SYNC: variants seen among roughly 807,000 people sequenced by gnomAD.
SYNC encodes syncoilin, intermediate filament protein, also known as syncoilin.
A neutral mutation model predicts 49.5 loss-of-function variants in SYNC; 38 were observed. The ratio of observed to expected loss-of-function variants is 0.77; its 90% CI spans 0.59 to 1.01. The LOEUF is 1.01. Ranked by LOEUF, SYNC falls within the 50% of genes least tolerant of loss-of-function variation. The pLI is 0.00. For missense variants in SYNC, 579 were observed against 580.6 expected (o/e 1.00, Z 0.03); for synonymous variants, 201 against 230.8 (o/e 0.87, Z 1.17).
chr1:32,686,033 C>T (rs376419168), intron 2 of SYNC: 1 of 152,142 alleles, frequency 6.6e-6, no homozygotes, highest in Non-Finnish European at 1.5e-5. Flanking sequence ...GTACCGAAGT[C>T]ACTAGTCACA....
At chr1:32,690,513 C>T (rs1009823578) in intron 2 of SYNC, among the ~76,000 whole-genome samples, 12 of 151,854 alleles carry the variant, frequency 7.9e-5, no homozygotes, top group Non-Finnish European at 1.5e-4. Context: ...GGCCTGGTGG[C>T]GGGCACCTGT....
intron 1 of SYNC, among the ~76,000 whole-genome samples, chr1:32,699,446 C>T (rs142623600): frequency 2.3e-3 from 352 of 152,080 alleles, no homozygotes; most frequent in African/African-American, 8.1e-3. Context: ...CGAGTCACTG[C>T]GCCTGGCCAA....
intron 2 of SYNC, among the ~76,000 whole-genome samples, chr1:32,687,686 AAAAT>A (rs1042593192): frequency 1.3e-5 from 2 of 151,320 alleles, no homozygotes; most frequent in Non-Finnish European, 2.9e-5. Context: ...AAAAAAGAAA[AAAAT>A]GTTTAGTCCC....
chr1:32,687,855 A>AATTATTATTATTATTATTATT (rs1649949950), intron 2 of SYNC, among the ~76,000 whole-genome samples: 1 of 135,516 alleles, frequency 7.4e-6, no homozygotes, highest in East Asian at 2.1e-4. Context: ...TATTATTATT[A>AATTATTATTATTATTATTATT]TTATTATTTT....
rs1294900277 is a variant in SYNC, at chr1:32,681,762, G to T, written c.*88C>A. 1 of 1,607,684 alleles carries T rather than the reference G, an allele frequency of 6.2e-7. No individual in the cohort carries two copies. Among genetic ancestry groups the T allele is most frequent in the East Asian group, 2.2e-5 (1 of 44,846 alleles). On this transcript the variant is annotated 3_prime_UTR_variant, in exon 5 of 5. Transcript: ENST00000409190. ...GCCAAGTTTCTGGCACTCTTGTCTG[G>T]TTGGAAGAGTACATCCAAAGGGTAC... is the stretch of plus-strand genomic sequence containing the variant.
chr1:32,702,584 G>T lies in SYNC; in HGVS notation c.53+24C>A, dbSNP rs141516125. ...AGCACCCCTTCCCCAGCGGGGCGGCGACGCGGGCCCGGCACTGTCCTACCT... is the reference window on the plus strand; with the variant it reads ...AGCACCCCTTCCCCAGCGGGGCGGCTACGCGGGCCCGGCACTGTCCTACCT... On this transcript the variant is annotated intron_variant, in intron 1 of 4. Coordinates refer to ENST00000409190, the MANE Select transcript of SYNC (RefSeq NM_030786.3). The surrounding 1 kb of genome is among the most constrained non-coding windows in gnomAD (Gnocchi z 6.2). 2.5e-6 allele frequency: 3 copies of T among 1,216,686 alleles called. No homozygotes were observed. The South Asian group carries it at 1.2e-4, about 50-fold the overall frequency. The allele number at this position is 1,216,686 out of a possible 1,614,324, so 75.4% of individuals were successfully genotyped here.
intron 2 of SYNC, among the ~76,000 whole-genome samples, chr1:32,690,063 CAA>C (rs1409227190): frequency 6.6e-6 from 1 of 151,658 alleles, no homozygotes; most frequent in Non-Finnish European, 1.5e-5. Context: ...GGTATAGCAA[CAA>C]GAGAAGCTAT....
At chr1:32,689,061 C>T (rs1466746967) in intron 2 of SYNC, among the ~76,000 whole-genome samples, 3 of 151,208 alleles carry the variant, frequency 2.0e-5, no homozygotes, top group African/African-American at 7.3e-5. Flanking sequence ...GCCTCATCCT[C>T]CCGAGAAGCT....
chr1:32,699,870 C>A (rs575802905), intron 1 of SYNC, among the ~76,000 whole-genome samples: 1 of 151,730 alleles, frequency 6.6e-6, no homozygotes, highest in African/African-American at 2.4e-5. Context: ...GTAGCTGAGA[C>A]TACAGGCGCC....
At chr1:32,686,150 A>G (rs914884122) in intron 2 of SYNC, 9 of 152,386 alleles carry the variant, frequency 5.9e-5, no homozygotes, top group African/African-American at 2.2e-4. Flanking sequence ...TGTCAAAAAT[A>G]TTTGATACTG....
In SYNC at chr1:32,686,330, TC is replaced by T. The variant is rs1210591509; in HGVS notation, c.1234-1949del. ...ACAACTCAGATCTGTGTGCCTGTGT[TC>T]CTGCCACTTTTTTCACCTAGACAGC... On this transcript the variant is annotated intron_variant, in intron 2 of 4. Transcript: ENST00000409190. 11 of 152,352 alleles carry T rather than the reference TC, an allele frequency of 7.2e-5. No homozygotes were observed. The South Asian group carries it at 1.5e-3, about 20-fold the overall frequency. 9.4% of individuals were successfully genotyped at this position (152,352 alleles called of 1,614,324 possible).
chr1:32,702,817 G>T (rs1302707931), upstream of SYNC: 1 of 514,058 alleles, frequency 1.9e-6, no homozygotes, highest in Non-Finnish European at 2.5e-6. The surrounding 1 kb of genome is among the most constrained non-coding windows in gnomAD (Gnocchi z 6.2). Context: ...GCTCCTGCCG[G>T]GGGAGGAGGG....
chr1:32,696,114 G>T, intron 1 of SYNC, 70 bp from the exon 2 acceptor site: 1 of 1,322,914 alleles, frequency 7.6e-7, no homozygotes, highest in Non-Finnish European at 1.0e-6. Flanking sequence ...GGAGCCAGCA[G>T]CCATGGGCCT....
rs1649629776 is a variant in SYNC, at chr1:32,683,993, C to T, written c.1438+17G>A. On this transcript the variant is annotated intron_variant, in intron 4 of 4. Transcript: ENST00000409190. ...CAGTAACAATGCAAACACCACTCTT[C>T]TCTTCACAAAGATCACCTTGAGACT... 4 of 1,610,830 alleles carry T rather than the reference C, an allele frequency of 2.5e-6. No individual in the cohort carries two copies. Among genetic ancestry groups the T allele is most frequent in the Admixed American group, 1.7e-5 (1 of 59,694 alleles).
chr1:32,681,870 T>C lies in SYNC; in HGVS notation c.1439-10A>G. ...TATTTCTAAACAGCCCCTGTAAAGT[T>C]GAAAGAAAAAGTTTATAACAGTGAA... On this transcript the variant is annotated splice_polypyrimidine_tract_variant and intron_variant, in intron 4 of 4. Coordinates refer to ENST00000409190, the MANE Select transcript of SYNC (RefSeq NM_030786.3). 1 of 1,613,942 alleles carries C rather than the reference T, an allele frequency of 6.2e-7. No homozygotes were observed. The highest frequency in any genetic ancestry group is 2.2e-5 in the East Asian group (1 of 44,876).
In SYNC at chr1:32,699,153, C is replaced by CTTTTTTT. The variant is rs61577689; in HGVS notation, c.54-3116_54-3110dup. ...TTCACTGAGAAGTGACTTTTCTTTT[C>CTTTTTTT]TTTTTTTTTTTTTTTTTTGAGATGG... On this transcript the variant is annotated intron_variant, in intron 1 of 4. Coordinates refer to ENST00000409190, the MANE Select transcript of SYNC (RefSeq NM_030786.3). 6.6e-3 allele frequency among the ~76,000 whole-genome samples: 685 copies of CTTTTTTT among 103,738 alleles called. 7 individuals are homozygous for CTTTTTTT. Among genetic ancestry groups the CTTTTTTT allele is most frequent in the African/African-American group, 9.7e-3 (264 of 27,260 alleles). 68.1% of individuals were successfully genotyped at this position (103,738 alleles called of 152,430 possible). A position where few individuals can be genotyped will look rare whatever the true frequency, so the allele number is the denominator to read the frequency against.
intron 2 of SYNC, among the ~76,000 whole-genome samples, chr1:32,687,855 A>ATTATTATTATTTTATTATTATT (rs71006359): frequency 7.4e-6 from 1 of 135,516 alleles, no homozygotes; most frequent in Non-Finnish European, 1.6e-5. Flanking sequence ...TATTATTATT[A>ATTATTATTATTTTATTATTATT]TTATTATTTT....
intron 2 of SYNC, among the ~76,000 whole-genome samples, chr1:32,688,482 A>G (rs1311398554): frequency 6.6e-6 from 1 of 152,194 alleles, no homozygotes; most frequent in Non-Finnish European, 1.5e-5. Flanking sequence ...TAACATTGAA[A>G]TATGTTTAAT....
At chr1:32,692,767 G>C (rs1650225763) in intron 2 of SYNC, among the ~76,000 whole-genome samples, 2 of 151,742 alleles carry the variant, frequency 1.3e-5, no homozygotes, top group South Asian at 4.2e-4. Context: ...ATAACTGGGA[G>C]GCTGAGGCGG....
Sources: allele counts gnomAD v4.1 joint callset (sites outside exome capture counted in the v4.1 genomes callset), GRCh38; gene constraint gnomAD v4.1.1; non-coding constraint Gnocchi (gnomAD v3.1); transcripts MANE v1.5; gene names NCBI Gene and HGNC (gene_info 2026-07-23, HGNC 2026-07-21).